CACNA2D4: variants seen among roughly 807,000 people sequenced by gnomAD.
CACNA2D4 encodes voltage-dependent calcium channel subunit alpha-2/delta-4.
Under a neutral mutation model 163.8 loss-of-function variants are expected in CACNA2D4, and 157 were observed. The ratio of observed to expected loss-of-function variants is 0.96; its 90% confidence interval spans 0.84 to 1.09. The LOEUF is 1.09. Among genes scored for constraint, CACNA2D4 ranks in the 50% least tolerant of loss-of-function variants. The pLI, the probability that CACNA2D4 is intolerant of heterozygous loss-of-function variation, is 0.00. For synonymous variants in CACNA2D4, 598 were observed against 586.9 expected, an observed-to-expected ratio of 1.02 and a Z score of -0.27; for missense variants, 1,410 against 1,479.9, an observed-to-expected ratio of 0.95 and a Z score of 0.78.
At chr12:1,902,373 A>C (rs906874121) in intron 6 of CACNA2D4, among the ~76,000 whole-genome samples, 3 of 152,080 alleles carry the variant, frequency 2.0e-5, no homozygotes, top group Admixed American at 2.0e-4. Context: ...CACAGCAATC[A>C]GACAGGAGAA....
intron 29 of CACNA2D4, among the ~76,000 whole-genome samples, 166 bp from the exon 30 acceptor site, chr12:1,801,810 G>A (rs1036309249): frequency 2.0e-5 from 3 of 151,964 alleles, no homozygotes; most frequent in Admixed American, 6.6e-5. Context: ...TTCCACCCAC[G>A]CCCCTGTCCG....
chr12:1,880,767 G>C (rs535516099), intron 13 of CACNA2D4, among the ~76,000 whole-genome samples: 2 of 152,342 alleles, frequency 1.3e-5, no homozygotes, highest in African/African-American at 4.8e-5. Flanking sequence ...AAGGCTTTCT[G>C]AGAGTGAACC....
At chr12:1,908,638 C>G (rs1172505709) in intron 4 of CACNA2D4, among the ~76,000 whole-genome samples, 10 of 151,794 alleles carry the variant, frequency 6.6e-5, no homozygotes, top group Non-Finnish European at 5.9e-5. Context: ...CGCCAACTCC[C>G]ACGCCGGACT....
chr12:1,873,586 C>T (rs1865827083), intron 18 of CACNA2D4, among the ~76,000 whole-genome samples: 1 of 152,200 alleles, frequency 6.6e-6, no homozygotes, highest in African/African-American at 2.4e-5. Flanking sequence ...TCTTCATTGT[C>T]AGTTCAGTGC....
At chr12:1,838,279 G>C (rs997178668) in intron 26 of CACNA2D4, among the ~76,000 whole-genome samples, 1 of 152,146 alleles carries the variant, frequency 6.6e-6, no homozygotes, top group African/African-American at 2.4e-5. Flanking sequence ...CTGCCCCCGT[G>C]GCTGGGCTGA....
intron 35 of CACNA2D4, chr12:1,796,076 G>C (rs1462551966): frequency 4.4e-5 from 15 of 339,964 alleles, no homozygotes; most frequent in Non-Finnish European, 8.3e-5. Context: ...ATGCAGGGAC[G>C]ACAGGCGTAA....
intron 24 of CACNA2D4, among the ~76,000 whole-genome samples, chr12:1,845,401 G>C (rs2057479457): frequency 6.7e-6 from 1 of 148,892 alleles, no homozygotes; most frequent in South Asian, 2.2e-4. Context: ...GGGAGGAGGG[G>C]AGGGAGGAGG....
intron 18 of CACNA2D4, among the ~76,000 whole-genome samples, chr12:1,873,727 G>T (rs1865830841): frequency 6.6e-6 from 1 of 152,212 alleles, no homozygotes; most frequent in South Asian, 2.1e-4. Context: ...GCCACTGGTG[G>T]TCTGACCTCA....
chr12:1,866,609 T>C (rs1343925077), intron 18 of CACNA2D4, among the ~76,000 whole-genome samples: 3 of 152,104 alleles, frequency 2.0e-5, no homozygotes, highest in Non-Finnish European at 4.4e-5. Flanking sequence ...TCCTTCTATC[T>C]GAAAATGTCT....
rs773736333 is a variant in CACNA2D4 at position 1,860,159 on chromosome 12, G to A, written c.1926C>T (p.Ser642=). The change falls in exon 19 of 38, where the codon AGC becomes AGT. Residue 642 remains serine, a synonymous_variant. Transcript: ENST00000382722. The part of the protein sequence containing the change: ...LTNDYFFTDI[S]DTPFSLGVVL... ...GTGTCCCTCACCTGAAAGGGGTGTC[G>A]CTGATGTCCGTGAAGAAGTAGTCAT... The A allele has an allele frequency of 1.2e-5, 20 of 1,613,328 alleles. No individual in the cohort carries two copies. The highest frequency in any genetic ancestry group is 4.4e-5 in the South Asian group (4 of 91,060).
intron 4 of CACNA2D4, among the ~76,000 whole-genome samples, chr12:1,909,404 C>T (rs1051135003): frequency 6.6e-6 from 1 of 152,194 alleles, no homozygotes; most frequent in African/African-American, 2.4e-5. Flanking sequence ...CCGTGTTAGC[C>T]AGGATGGTCT....
intron 14 of CACNA2D4, 87 bp downstream of exon 14, chr12:1,879,717 G>T: frequency 8.7e-7 from 1 of 1,143,240 alleles, no homozygotes; most frequent in Non-Finnish European, 1.3e-6. Flanking sequence ...CAGAGGCACA[G>T]CCAAGTCAAG....
At position 1,844,447 on chromosome 12, in the gene CACNA2D4, G is replaced by A; in HGVS notation, c.2425C>T (p.Pro809Ser). 1 of 1,613,686 alleles carries A rather than the reference G, an allele frequency of 6.2e-7. No homozygotes were observed. Among genetic ancestry groups the A allele is most frequent in the Non-Finnish European group, 8.5e-7 (1 of 1,179,818 alleles). ...AGGTTGAAGACGAAGCTGCCAGCAG[G>A]ATGCTCTGAGGCCTGGCGGTACCAC... ...PLWYRQASEHPAGSFVFNLRW... is the reference protein window; with the variant it reads ...PLWYRQASEHSAGSFVFNLRW... The change falls in exon 25 of 38, where the codon CCT becomes TCT. Residue 809 changes from proline to serine, a missense_variant. Coordinates refer to ENST00000382722, the MANE Select transcript of CACNA2D4 (RefSeq NM_172364.5). This position sits in a 1 kb window ranked among gnomAD's most constrained non-coding sequence, Gnocchi z 4.2.
chr12:1,862,372 AT>A (rs1165450656), intron 18 of CACNA2D4, among the ~76,000 whole-genome samples: 1 of 152,128 alleles, frequency 6.6e-6, no homozygotes, highest in African/African-American at 2.4e-5. Flanking sequence ...CGCTGCCAGT[AT>A]TTGGTGTTAT....
chr12:1,817,918 G>A (rs1184985789), intron 26 of CACNA2D4, among the ~76,000 whole-genome samples: 1 of 152,026 alleles, frequency 6.6e-6, no homozygotes, highest in Non-Finnish European at 1.5e-5. Flanking sequence ...CGTCTGGGAA[G>A]TGAGGAGCGT....
At chr12:1,810,464 A>G in intron 28 of CACNA2D4, 79 bp downstream of exon 28, 1 of 1,522,858 alleles carries the variant, frequency 6.6e-7, no homozygotes, top group Non-Finnish European at 8.9e-7. Context: ...CATTTGGGAG[A>G]GGGAAGCTGG....
chr12:1,817,882 T>C (rs11061984), intron 26 of CACNA2D4, among the ~76,000 whole-genome samples: 10,357 of 152,024 alleles, frequency 0.068, 495 homozygotes, highest in Middle Eastern at 0.14. Flanking sequence ...AGTGCCGAGA[T>C]TGCAGCCTCT....
At chr12:1,903,326 C>G (rs1040608495) in intron 6 of CACNA2D4, among the ~76,000 whole-genome samples, 8 of 152,024 alleles carry the variant, frequency 5.3e-5, no homozygotes, top group African/African-American at 1.9e-4. Context: ...CTGAGTAATA[C>G]CCCATGAGCA....
At position 1,875,141 on chromosome 12, in the gene CACNA2D4, T is replaced by C; in HGVS notation, c.1806+110A>G. On this transcript the variant is annotated intron_variant, in intron 17 of 37. Transcript: ENST00000382722. This position sits in a 1 kb window ranked among gnomAD's most constrained non-coding sequence, Gnocchi z 4.0. The stretch of plus-strand genomic sequence containing the variant: ...TTGGAAAGGCTCTGGGATGAACCTG[T>C]TCTGCCTGACAGGAACAGAGTGACC... 1 of 770,716 alleles carries C rather than the reference T, an allele frequency of 1.3e-6. No individual in the cohort carries two copies. The highest frequency in any genetic ancestry group is 1.6e-5 in the South Asian group (1 of 64,072). The allele number at this position is 770,716 out of a possible 1,614,324, so 47.7% of individuals were successfully genotyped here. A position where few individuals can be genotyped will look rare whatever the true frequency, so the allele number is the denominator to read the frequency against.
Sources: allele counts gnomAD v4.1 joint callset (sites outside exome capture counted in the v4.1 genomes callset), GRCh38; gene constraint gnomAD v4.1.1; non-coding constraint Gnocchi (gnomAD v3.1); transcripts MANE v1.5; gene names NCBI Gene and HGNC (gene_info 2026-07-23, HGNC 2026-07-21).